SERPINB11: variants seen among roughly 807,000 people sequenced by gnomAD.
SERPINB11 encodes serpin B11.
A neutral mutation model predicts 36.7 loss-of-function variants in SERPINB11; 32 were observed. That is an observed-to-expected ratio of 0.87 (90% confidence interval 0.66 to 1.17). The LOEUF is 1.17. Ranked by LOEUF, SERPINB11 falls within the 50% of genes most tolerant of loss-of-function variation. The probability of loss-of-function intolerance (pLI) is 0.00; values close to 1 mark genes in which losing one functional copy is unlikely to be tolerated. For missense variants in SERPINB11, 528 were observed against 458.4 expected, an observed-to-expected ratio of 1.15 and a Z score of -1.39; for synonymous variants, 174 against 168.1, an observed-to-expected ratio of 1.04 and a Z score of -0.27.
At chr18:63,714,218 T>G (rs554004968) in intron 4 of SERPINB11, among the ~76,000 whole-genome samples, 1 of 152,200 alleles carries the variant, frequency 6.6e-6, no homozygotes, top group African/African-American at 2.4e-5. Flanking sequence ...CAGCAATTTT[T>G]TATTAGTGAT....
At position 63,721,002 on chromosome 18, in the gene SERPINB11, T is replaced by C. The variant is rs977591765; in HGVS notation, c.774+16T>C. On this transcript the variant is annotated intron_variant, in intron 7 of 7. Coordinates refer to ENST00000544088, the MANE Select transcript of SERPINB11 (RefSeq NM_001370475.1). ...TCTGAAACAGGTAAAATTATAAGAATGCTATAATGCAGTTAAAGCATGTGT... is the reference window on the plus strand; with the variant it reads ...TCTGAAACAGGTAAAATTATAAGAACGCTATAATGCAGTTAAAGCATGTGT... 2 of 1,596,610 alleles carry C rather than the reference T, an allele frequency of 1.3e-6. No homozygotes were observed.
intron 3 of SERPINB11, among the ~76,000 whole-genome samples, chr18:63,712,075 C>T (rs575287694): frequency 1.3e-5 from 2 of 152,020 alleles, no homozygotes. Flanking sequence ...TCAAATGCAA[C>T]AAAGCTGCAG....
intron 5 of SERPINB11, among the ~76,000 whole-genome samples, chr18:63,716,621 TTA>T (rs1305324231): frequency 1.3e-5 from 2 of 152,180 alleles, no homozygotes; most frequent in Admixed American, 1.3e-4. Flanking sequence ...TTCTTTAAGA[TTA>T]TATTGCAGCA....
At position 63,723,325 on chromosome 18, in the gene SERPINB11, C is replaced by T. The variant is rs776318010; in HGVS notation, c.1105C>T (p.His369Tyr). ...LPMRAQFKAN[H>Y]PFLFFIRHTH... ...AATGAGAGCTCAGTTCAAGGCGAACCACCCCTTCCTTTTCTTTATAAGGCA... is the reference window on the plus strand; with the variant it reads ...AATGAGAGCTCAGTTCAAGGCGAACTACCCCTTCCTTTTCTTTATAAGGCA... Residue 369 changes from histidine (H) to tyrosine (Y), a missense_variant, in exon 8 of 8, where the codon CAC becomes TAC. His to Tyr is a moderately conservative substitution (Grantham distance 83). Transcript: ENST00000544088. 7.4e-6 allele frequency: 12 copies of T among 1,613,900 alleles called. No homozygotes were observed. In the South Asian group the frequency reaches 1.3e-4, roughly 18 times the overall value.
At position 63,709,616 on chromosome 18, in the gene SERPINB11, T is replaced by TAAGTAAAATAAAATAAAATAAAATA. The variant is rs1914463661; in HGVS notation, c.-15-561_-15-560insGTAAAATAAAATAAAATAAAATAAA. ...ACAGAGCGAGATTCTGTCTCAAAAA[T>TAAGTAAAATAAAATAAAATAAAATA]AAATAAAATAAAATAAAATAAAATA... On this transcript the variant is annotated intron_variant, in intron 1 of 7. Transcript: ENST00000544088. 3.5e-5 allele frequency among the ~76,000 whole-genome samples: 5 copies of TAAGTAAAATAAAATAAAATAAAATA among 143,536 alleles called. No homozygotes were observed. The East Asian group carries it at 1.1e-3, about 30-fold the overall frequency. The allele number at this position is 143,536 out of a possible 152,430, so 94.2% of individuals were successfully genotyped here.
chr18:63,706,302 A>G (rs1439222011), intron 1 of SERPINB11, among the ~76,000 whole-genome samples: 1 of 152,232 alleles, frequency 6.6e-6, no homozygotes, highest in East Asian at 1.9e-4. Context: ...TCTGCCTGAT[A>G]AAAGATTAAA....
At chr18:63,718,696 T>C (rs1183858987) in intron 5 of SERPINB11, among the ~76,000 whole-genome samples, 1 of 152,120 alleles carries the variant, frequency 6.6e-6, no homozygotes, top group Non-Finnish European at 1.5e-5. Flanking sequence ...TGCTTTCTAA[T>C]ATATTTTTCT....
chr18:63,718,152 C>T (rs8096685), intron 5 of SERPINB11, among the ~76,000 whole-genome samples: 30,814 of 151,722 alleles, frequency 0.2, 4,161 homozygotes, highest in East Asian at 0.4. Flanking sequence ...CTCTTTCATT[C>T]GTCAATTTGT....
rs572331029 is a variant in SERPINB11 at position 63,720,898 on chromosome 18, C to T, written c.686C>T (p.Pro229Leu). 1.1e-5 allele frequency: 17 copies of T among 1,596,218 alleles called. No individual in the cohort carries two copies. Among genetic ancestry groups the T allele is most frequent in the African/African-American group, 5.4e-5 (4 of 74,742 alleles). Residue 229 changes from proline (P) to leucine (L), a missense_variant, in exon 7 of 8, where the codon CCG becomes CTG. Transcript: ENST00000544088. ...GTFKLAFVKE[P>L]QMQVLELPYV... ...TTTAAACTGGCCTTTGTAAAGGAGC[C>T]GCAGATGCAAGTTCTTGAGCTGCCC...
intron 4 of SERPINB11, among the ~76,000 whole-genome samples, chr18:63,714,947 T>C (rs975094878): frequency 1.3e-5 from 2 of 152,182 alleles, no homozygotes; most frequent in African/African-American, 4.8e-5. Flanking sequence ...CAATTTATGT[T>C]CAGAGATTGC....
Position 63,710,221 on chromosome 18 carries a change from G to T in SERPINB11, c.28G>T (p.Glu10Ter), listed in dbSNP as rs1240059714. 4 of 1,611,698 alleles carry T rather than the reference G, an allele frequency of 2.5e-6. No homozygotes were observed. The highest frequency in any genetic ancestry group is 2.5e-6 in the Non-Finnish European group (3 of 1,179,034). The change falls in exon 2 of 8, where the codon GAA becomes TAA. Residue 10 changes from glutamate (E) to a stop codon, truncating the protein, a stop_gained. Coordinates refer to ENST00000544088, the MANE Select transcript of SERPINB11 (RefSeq NM_001370475.1). LOFTEE classifies it high-confidence loss of function. ...GGGTTCTCTCAGCACAGCTAACGTTGAATTTTGCCTTGATGTGTTCAAAGA... is the reference window on the plus strand; with the variant it reads ...GGGTTCTCTCAGCACAGCTAACGTTTAATTTTGCCTTGATGTGTTCAAAGA... MGSLSTANV[E>*]FCLDVFKELN...
At position 63,723,260 on chromosome 18, in the gene SERPINB11, C is replaced by A; in HGVS notation, c.1040C>A (p.Ala347Glu). The stretch of plus-strand genomic sequence containing the variant: ...GTCAGCGAAGAGGGCACGGAGGCAG[C>A]AGCAGCCACTGGGGACAGCATCGCT... ...LDVSEEGTEA[A>E]AATGDSIAVK... The change falls in exon 8 of 8, where the codon GCA (alanine) becomes GAA (glutamate). Residue 347 changes from alanine (A) to glutamate (E), a missense_variant. Ala to Glu is a moderately radical substitution (Grantham distance 107). Coordinates refer to ENST00000544088, the MANE Select transcript of SERPINB11 (RefSeq NM_001370475.1). The A allele has an allele frequency of 6.2e-7, 1 of 1,613,966 alleles. No homozygotes were observed.
At chr18:63,709,644 AT>A (rs2038358306) in intron 1 of SERPINB11, among the ~76,000 whole-genome samples, 2 of 151,762 alleles carry the variant, frequency 1.3e-5, no homozygotes, top group Non-Finnish European at 2.9e-5. Context: ...ATAAAATAAA[AT>A]AAAAAGTAAA....
chr18:63,715,648 A>C (rs1914649036), intron 4 of SERPINB11, among the ~76,000 whole-genome samples: 1 of 152,094 alleles, frequency 6.6e-6, no homozygotes, highest in South Asian at 2.1e-4. Flanking sequence ...TCACTTAACC[A>C]CTCTGCTTCT....
chr18:63,709,598 G>A (rs8095410), intron 1 of SERPINB11, among the ~76,000 whole-genome samples: 55,809 of 150,822 alleles, frequency 0.37, 11,176 homozygotes, highest in East Asian at 0.61. Flanking sequence ...GCGACAGAGC[G>A]AGATTCTGTC....
At position 63,723,556 on chromosome 18, in the gene SERPINB11, G is replaced by A. The variant is rs1470866074; in HGVS notation, c.*157G>A. ...CTAGGATTTCTTCCAACCATTTCAT[G>A]AGTTGTGAAGCTAAGGCTTTGTTAA... On this transcript the variant is annotated 3_prime_UTR_variant, in exon 8 of 8. Coordinates refer to ENST00000544088, the MANE Select transcript of SERPINB11 (RefSeq NM_001370475.1). 8.0e-6 allele frequency: 5 copies of A among 623,254 alleles called. No homozygotes were observed. The highest frequency in any genetic ancestry group is 1.3e-5 in the Non-Finnish European group (5 of 374,330). 38.6% of individuals were successfully genotyped at this position (623,254 alleles called of 1,614,324 possible).
intron 6 of SERPINB11, 77 bp from the exon 7 acceptor site, chr18:63,720,754 T>G: frequency 9.5e-7 from 1 of 1,050,442 alleles, no homozygotes; most frequent in Non-Finnish European, 1.4e-6. Flanking sequence ...CAGATATCCG[T>G]GTTATGCAAG....
intron 4 of SERPINB11, among the ~76,000 whole-genome samples, chr18:63,713,683 A>G (rs1001086144): frequency 2.0e-5 from 3 of 152,182 alleles, no homozygotes; most frequent in African/African-American, 7.2e-5. Flanking sequence ...CATATAGGGA[A>G]CGATGTATGG....
intron 1 of SERPINB11, among the ~76,000 whole-genome samples, chr18:63,709,573 T>G (rs1434272888): frequency 7.1e-6 from 1 of 140,478 alleles, no homozygotes; most frequent in Admixed American, 7.4e-5. Context: ...ATCGCACCAC[T>G]GCACTCCAGT....
Sources: gnomAD v4.1 joint callset for allele counts (sites outside exome capture counted in the v4.1 genomes callset) on GRCh38, gnomAD v4.1.1 for gene constraint, MANE v1.5 for transcripts, NCBI Gene and HGNC (gene_info 2026-07-23, HGNC 2026-07-21) for gene names.